The following NCOA1 variants were observed in gnomAD, a reference collection of about 807,000 sequenced individuals.
NCOA1 encodes nuclear receptor coactivator 1, also known as Hin-2 protein.
NCOA1 carries 35 observed loss-of-function variants against 150.9 expected under a neutral mutation model. The ratio of observed to expected loss-of-function variants is 0.23; its 90% CI spans 0.18 to 0.31. The LOEUF is 0.31. Ranked by LOEUF, NCOA1 falls within the 10% of genes least tolerant of loss-of-function variation. NCOA1 has a pLI of 1.00. For synonymous variants in NCOA1, 590 were observed against 630.0 expected, an observed-to-expected ratio of 0.94 and a Z score of 0.95; for missense variants, 1,491 against 1,749.3, an observed-to-expected ratio of 0.85 and a Z score of 2.63.
intron 14 of NCOA1, among the ~76,000 whole-genome samples, chr2:24,719,348 C>T (rs181591108): frequency 2.6e-5 from 4 of 152,174 alleles, no homozygotes; most frequent in Admixed American, 2.0e-4. Context: ...ATTCTGTTTT[C>T]TTGATTTGAG....
chr2:24,605,241 G>A (rs1668312002), intron 3 of NCOA1, among the ~76,000 whole-genome samples: 1 of 152,070 alleles, frequency 6.6e-6, no homozygotes, highest in Admixed American at 6.5e-5. Context: ...CATGCTTTTG[G>A]AAAAATGGCA....
chr2:24,645,338 A>C (rs1670418281), intron 4 of NCOA1, among the ~76,000 whole-genome samples: 2 of 149,256 alleles, frequency 1.3e-5, no homozygotes, highest in African/African-American at 4.9e-5. Context: ...AAAAATACAA[A>C]AAAAAAAAAA....
chr2:24,725,026 A>C (rs952038051), intron 14 of NCOA1, among the ~76,000 whole-genome samples: 10 of 152,158 alleles, frequency 6.6e-5, no homozygotes, highest in African/African-American at 2.2e-4. Context: ...TTTAAAAGTA[A>C]ATGTGTTTAT....
chr2:24,566,486 C>T (rs1666511885), intron 2 of NCOA1, among the ~76,000 whole-genome samples: 1 of 152,164 alleles, frequency 6.6e-6, no homozygotes. Flanking sequence ...TGGCTGAATC[C>T]AGGGTTTTTA....
At chr2:24,506,473 G>A (rs1663700046) in intron 1 of NCOA1, among the ~76,000 whole-genome samples, 1 of 152,068 alleles carries the variant, frequency 6.6e-6, no homozygotes, top group African/African-American at 2.4e-5. Context: ...TGACATTGAA[G>A]GCTATAGAAC....
chr2:24,724,892 G>C (rs1674530228), intron 14 of NCOA1, among the ~76,000 whole-genome samples: 1 of 151,952 alleles, frequency 6.6e-6, no homozygotes, highest in South Asian at 2.1e-4. Context: ...CAGAAAGTAA[G>C]TGATTATTTC....
intron 12 of NCOA1, 128 bp downstream of exon 12, chr2:24,705,361 G>GTATATATTGAT: frequency 2.3e-6 from 2 of 855,322 alleles, no homozygotes; most frequent in Non-Finnish European, 3.6e-6. Flanking sequence ...AGTGTGATGA[G>GTATATATTGAT]TATATATAAT....
chr2:24,630,309 T>C (rs1669649658), intron 3 of NCOA1, among the ~76,000 whole-genome samples: 1 of 152,228 alleles, frequency 6.6e-6, no homozygotes. Context: ...TATACTGTCT[T>C]GGTTATAAGA....
chr2:24,556,468 A>G (rs1286794800), intron 1 of NCOA1, among the ~76,000 whole-genome samples: 3 of 152,142 alleles, frequency 2.0e-5, no homozygotes, highest in African/African-American at 7.2e-5. Context: ...TTGCATGTTT[A>G]TGGTAGAATG....
chr2:24,754,001 T>A (rs1664376665), intron 20 of NCOA1, among the ~76,000 whole-genome samples: 1 of 152,224 alleles, frequency 6.6e-6, no homozygotes, highest in South Asian at 2.1e-4. Flanking sequence ...CCCATTTCAG[T>A]AAATGACAAT....
chr2:24,693,221 T>G, intron 9 of NCOA1, 31 bp from the exon 10 acceptor site: 1 of 1,589,770 alleles, frequency 6.3e-7, no homozygotes, highest in Middle Eastern at 1.7e-4. Context: ...CTACTCTCTA[T>G]CCTTCAATTT....
At chr2:24,672,991 TCAGAAAAAGAAAGA>T (rs1671752222) in intron 6 of NCOA1, among the ~76,000 whole-genome samples, 1 of 152,142 alleles carries the variant, frequency 6.6e-6, no homozygotes, top group Admixed American at 6.5e-5. Flanking sequence ...CTTGATCAAA[TCAGAAAAAGAAAGA>T]GAAAACTTGA....
At chr2:24,639,693 C>T (rs1048040311) in intron 3 of NCOA1, among the ~76,000 whole-genome samples, 2 of 151,324 alleles carry the variant, frequency 1.3e-5, no homozygotes, top group African/African-American at 4.9e-5. Flanking sequence ...TCAAGACCAG[C>T]CTGACCAACA....
intron 1 of NCOA1, among the ~76,000 whole-genome samples, chr2:24,561,404 T>G (rs1666286265): frequency 6.6e-6 from 1 of 152,174 alleles, no homozygotes. Flanking sequence ...TCTGAAAAAT[T>G]CTTCAGAGCG....
At chr2:24,507,747 T>C (rs1663767424) in intron 1 of NCOA1, among the ~76,000 whole-genome samples, 1 of 152,162 alleles carries the variant, frequency 6.6e-6, no homozygotes, top group Non-Finnish European at 1.5e-5. Flanking sequence ...CTGATTGTTA[T>C]TTCTCTCTTA....
chr2:24,524,888 G>A (rs1664585378), intron 1 of NCOA1, among the ~76,000 whole-genome samples: 7 of 152,158 alleles, frequency 4.6e-5, no homozygotes, highest in Admixed American at 1.3e-4. Flanking sequence ...GGGATTACAG[G>A]TGTGAGCCAC....
At chr2:24,763,616 C>CTCTTTTT (rs1250283392) in intron 22 of NCOA1, among the ~76,000 whole-genome samples, 40 of 85,320 alleles carry the variant, frequency 4.7e-4, no homozygotes, top group African/African-American at 1.7e-3. Context: ...GTCTCTCTCT[C>CTCTTTTT]TTTTTTTTTT....
At chr2:24,513,042 T>C (rs1664002805) in intron 1 of NCOA1, among the ~76,000 whole-genome samples, 1 of 152,236 alleles carries the variant, frequency 6.6e-6, no homozygotes, top group African/African-American at 2.4e-5. Flanking sequence ...ACTTCTTTGC[T>C]GGCCTTACTT....
chr2:24,729,707 T>C lies in NCOA1; in HGVS notation c.3093T>C (p.Ala1031=), dbSNP rs760264962. The change falls in exon 17 of 23, where the codon GCT becomes GCC. Residue 1031 remains alanine (A), a synonymous_variant. Transcript: ENST00000348332. Reference sequence around the variant, plus strand: ...TTCAAGTAACACCTCCCCGAGGTGCTTTTTCACCTGGCATGGGCATGCAGC... The same window carrying C: ...TTCAAGTAACACCTCCCCGAGGTGCCTTTTCACCTGGCATGGGCATGCAGC... ...MPVQVTPPRG[A]FSPGMGMQPR... is the part of the protein sequence containing the mutation. 6.2e-7 allele frequency: 1 copy of C among 1,614,166 alleles called. No homozygotes were observed. Among genetic ancestry groups the C allele is most frequent in the Admixed American group, 1.7e-5 (1 of 60,028 alleles).
Sources: gnomAD v4.1 joint callset for allele counts (sites outside exome capture counted in the v4.1 genomes callset) on GRCh38, gnomAD v4.1.1 for gene constraint, MANE v1.5 for transcripts, NCBI Gene and HGNC (gene_info 2026-07-23, HGNC 2026-07-21) for gene names.